Variants in RAB11FIP3 observed in about 807,000 individuals in gnomAD.
RAB11FIP3 encodes rab11 family-interacting protein 3.
RAB11FIP3 carries 17 observed loss-of-function variants against 77.8 expected under a neutral mutation model. The observed-to-expected ratio is 0.22, with a 90% CI of 0.15 to 0.33. The LOEUF (loss-of-function observed/expected upper bound fraction) is 0.33, where lower values mean the gene tolerates loss of function less well. Among genes scored for constraint, RAB11FIP3 ranks in the 10% least tolerant of loss-of-function variants. The pLI, the probability that RAB11FIP3 is intolerant of heterozygous loss-of-function variation, is 1.00. For missense variants in RAB11FIP3, 1,005 were observed against 1,011.2 expected (o/e 0.99, Z 0.08); for synonymous variants, 437 against 448.2 (o/e 0.98, Z 0.31).
intron 3 of RAB11FIP3, among the ~76,000 whole-genome samples, chr16:478,069 G>C (rs565449931): frequency 3.3e-4 from 50 of 152,306 alleles, no homozygotes; most frequent in Admixed American, 7.8e-4. Flanking sequence ...GCGGCCTCCC[G>C]CAAGTGCGCC....
At chr16:453,071 AT>A (rs913623888) in intron 1 of RAB11FIP3, among the ~76,000 whole-genome samples, 2 of 93,584 alleles carry the variant, frequency 2.1e-5, no homozygotes, top group African/African-American at 8.6e-5. Context: ...TTATTTTTTA[AT>A]TTTTTTTTAT....
intron 1 of RAB11FIP3, among the ~76,000 whole-genome samples, chr16:428,229 C>G (rs575371679): frequency 6.6e-6 from 1 of 152,242 alleles, no homozygotes; most frequent in East Asian, 1.9e-4. Context: ...GCAAGCTTAG[C>G]TCCGGTTGGG....
At chr16:431,828 C>G (rs1269681822) in intron 1 of RAB11FIP3, among the ~76,000 whole-genome samples, 4 of 151,414 alleles carry the variant, frequency 2.6e-5, no homozygotes, top group East Asian at 3.9e-4. Context: ...GTGATCTTGG[C>G]TCGCTGCAAG....
intron 3 of RAB11FIP3, among the ~76,000 whole-genome samples, chr16:480,570 A>G (rs991404528): frequency 6.6e-6 from 1 of 151,786 alleles, no homozygotes; most frequent in African/African-American, 2.4e-5. Flanking sequence ...CGTGATCTCA[A>G]TTCACTGCAA....
At chr16:465,658 A>G (rs892213292) in intron 2 of RAB11FIP3, among the ~76,000 whole-genome samples, 4 of 152,090 alleles carry the variant, frequency 2.6e-5, no homozygotes, top group Non-Finnish European at 5.9e-5. Flanking sequence ...CGGCCAGGCT[A>G]GAGTGCAGTG....
chr16:496,792 C>T (rs745473399), intron 5 of RAB11FIP3, 32 bp from the exon 6 acceptor site: 1 of 1,564,744 alleles, frequency 6.4e-7, no homozygotes, highest in Non-Finnish European at 8.8e-7. Flanking sequence ...TCTGTTCTAA[C>T]AATTTTCCTG....
intron 6 of RAB11FIP3, chr16:497,151 G>C: frequency 1.4e-6 from 1 of 725,674 alleles, no homozygotes; most frequent in Non-Finnish European, 2.0e-6. Context: ...CCAGATGTCT[G>C]CTCTATGTTA....
intron 2 of RAB11FIP3, among the ~76,000 whole-genome samples, chr16:464,163 A>G (rs556457493): frequency 6.6e-6 from 1 of 152,020 alleles, no homozygotes; most frequent in South Asian, 2.1e-4. Context: ...GTGGCCACAG[A>G]CCCTCAGGAG....
At chr16:442,020 AG>A (rs1332026619) in intron 1 of RAB11FIP3, among the ~76,000 whole-genome samples, 1 of 152,082 alleles carries the variant, frequency 6.6e-6, no homozygotes, top group Non-Finnish European at 1.5e-5. Flanking sequence ...TTGTATTTTT[AG>A]TAGAGACGGG....
At position 492,754 on chromosome 16, in the gene RAB11FIP3, G is replaced by C. The variant is rs577949495; in HGVS notation, c.1265+3754G>C. On this transcript the variant is annotated intron_variant, in intron 5 of 13. Coordinates refer to ENST00000262305, the MANE Select transcript of RAB11FIP3 (RefSeq NM_014700.4). ...CTCCGTACATGAAAGTAAGCCTGAA[G>C]ACTCAGGTCTCGTCTCTCATTTTCT... Among the ~76,000 whole-genome samples, 11 of 152,244 alleles carry C rather than the reference G, an allele frequency of 7.2e-5. No homozygotes were observed. In the South Asian group the frequency reaches 2.3e-3, roughly 32 times the overall value.
At chr16:489,117 T>G (rs1253949510) in intron 5 of RAB11FIP3, 117 bp downstream of exon 5, 16 of 1,240,132 alleles carry the variant, frequency 1.3e-5, no homozygotes, top group African/African-American at 3.1e-5. Flanking sequence ...TGACGTCATG[T>G]GATTAAGTAA....
chr16:456,959 G>A (rs190915238), intron 1 of RAB11FIP3, among the ~76,000 whole-genome samples: 1 of 151,804 alleles, frequency 6.6e-6, no homozygotes, highest in African/African-American at 2.4e-5. Flanking sequence ...TTCCAGAGCC[G>A]CCTCTCTCCC....
intron 2 of RAB11FIP3, among the ~76,000 whole-genome samples, chr16:466,093 G>A (rs2055697483): frequency 6.6e-6 from 1 of 152,192 alleles, no homozygotes; most frequent in Admixed American, 6.5e-5. Flanking sequence ...GTCACTGGCT[G>A]TGCTGGTCTC....
intron 5 of RAB11FIP3, 63 bp from the exon 6 acceptor site, chr16:496,761 G>C (rs937614912): frequency 8.0e-6 from 12 of 1,501,380 alleles, no homozygotes; most frequent in African/African-American, 5.5e-5. Flanking sequence ...TGAGTTTCCT[G>C]CTTCCTCCTG....
intron 9 of RAB11FIP3, among the ~76,000 whole-genome samples, chr16:513,812 C>T (rs781208922): frequency 1.3e-5 from 2 of 152,228 alleles, no homozygotes; most frequent in African/African-American, 4.8e-5. Flanking sequence ...AGGGAGGCCT[C>T]CGTGCCTGCC....
chr16:519,088 G>T (rs1249653534), intron 10 of RAB11FIP3, 64 bp downstream of exon 10: 4 of 1,499,048 alleles, frequency 2.7e-6, no homozygotes, highest in African/African-American at 1.4e-5. Context: ...CTGTGGGGCA[G>T]CTGAGGTAGC....
intron 1 of RAB11FIP3, among the ~76,000 whole-genome samples, chr16:457,850 G>T (rs1454815298): frequency 6.6e-6 from 1 of 152,218 alleles, no homozygotes. Flanking sequence ...TCCGGATTAG[G>T]TAACTCTCAG....
At chr16:442,660 C>T (rs1171042647) in intron 1 of RAB11FIP3, among the ~76,000 whole-genome samples, 8 of 152,116 alleles carry the variant, frequency 5.3e-5, no homozygotes, top group African/African-American at 1.2e-4. Context: ...TCTGCTGAGT[C>T]GTCCCAAAGC....
intron 2 of RAB11FIP3, among the ~76,000 whole-genome samples, chr16:465,643 T>A (rs2055689341): frequency 6.6e-6 from 1 of 152,106 alleles, no homozygotes; most frequent in South Asian, 2.1e-4. Context: ...GGAGTCTCGC[T>A]CTGTCGGCCA....
Sources: gnomAD v4.1 joint callset for allele counts (sites outside exome capture counted in the v4.1 genomes callset) on GRCh38, gnomAD v4.1.1 for gene constraint, MANE v1.5 for transcripts, NCBI Gene and HGNC (gene_info 2026-07-23, HGNC 2026-07-21) for gene names.